The following ADGRB1 variants were observed in gnomAD, a reference collection of about 807,000 sequenced individuals.
ADGRB1 encodes the protein adhesion G protein-coupled receptor B1, also known as brain-specific angiogenesis inhibitor 1.
In ADGRB1, 36 loss-of-function variants were observed where a neutral mutation model predicts 175.7. The observed-to-expected ratio is 0.20, with a 90% CI of 0.16 to 0.27. The LOEUF (loss-of-function observed/expected upper bound fraction) is 0.27, where lower values mean the gene tolerates loss of function less well. Among genes scored for constraint, ADGRB1 ranks in the 10% least tolerant of loss-of-function variants. The probability of loss-of-function intolerance (pLI) is 1.00; values close to 1 mark genes in which losing one functional copy is unlikely to be tolerated. For synonymous variants in ADGRB1, 1,054 were observed against 979.4 expected (o/e 1.08, Z -1.42); for missense variants, 1,731 against 2,255.3 (o/e 0.77, Z 4.71).
chr8:142,541,751 C>T (rs1452953405), intron 27 of ADGRB1, among the ~76,000 whole-genome samples, 190 bp from the exon 28 acceptor site: 5 of 152,164 alleles, frequency 3.3e-5, no homozygotes, highest in South Asian at 2.1e-4. Context: ...CCCTAGGGGC[C>T]GTAGCGCCAG....
intron 27 of ADGRB1, 125 bp downstream of exon 27, chr8:142,539,538 C>A: frequency 4.2e-6 from 5 of 1,198,004 alleles, no homozygotes; most frequent in Non-Finnish European, 5.9e-6. Flanking sequence ...CCACCCACAC[C>A]CAGCCACACC....
intron 1 of ADGRB1, among the ~76,000 whole-genome samples, chr8:142,454,827 C>T (rs1278477162): frequency 6.6e-6 from 1 of 152,022 alleles, no homozygotes; most frequent in Non-Finnish European, 1.5e-5. Flanking sequence ...ATTGAGGAAG[C>T]AACAAAAAAT....
intron 1 of ADGRB1, among the ~76,000 whole-genome samples, chr8:142,452,220 C>G (rs1230102191): frequency 6.6e-6 from 1 of 152,214 alleles, no homozygotes; most frequent in Non-Finnish European, 1.5e-5. Context: ...GAAGGCTGGC[C>G]CGGGAGACCC....
intron 11 of ADGRB1, among the ~76,000 whole-genome samples, chr8:142,483,578 T>G (rs1219907468): frequency 6.9e-6 from 1 of 145,414 alleles, no homozygotes; most frequent in Non-Finnish European, 1.5e-5. Context: ...CTGGCCCTGG[T>G]CACACCCTGA....
chr8:142,539,733 T>G, intron 27 of ADGRB1: 12 of 492,862 alleles, frequency 2.4e-5, no homozygotes, highest in East Asian at 3.5e-5. Flanking sequence ...CTGACATCTC[T>G]TCCTCTGTCG....
chr8:142,532,620 C>T (rs1215982121), intron 24 of ADGRB1, among the ~76,000 whole-genome samples: 1 of 152,122 alleles, frequency 6.6e-6, no homozygotes, highest in Non-Finnish European at 1.5e-5. Context: ...TCTGCTCCTC[C>T]CCTGCTGGCC....
Position 142,463,251 on chromosome 8 carries a change from AAG to A in ADGRB1, c.-219-724_-219-723del, listed in dbSNP as rs550458735. Among the ~76,000 whole-genome samples, 234 of 152,242 alleles carry A rather than the reference AAG, an allele frequency of 1.5e-3. 1 individual carries two copies. The highest frequency in any genetic ancestry group is 2.7e-3 in the Non-Finnish European group (183 of 68,006). The stretch of plus-strand genomic sequence containing the variant: ...ACGAGGGCACACGTGGGAGGGCCGA[AAG>A]AGAGCTTCCTGGCAGGAGCACCAGC... On this transcript the variant is annotated intron_variant, in intron 1 of 30. Transcript: ENST00000517894.
intron 18 of ADGRB1, among the ~76,000 whole-genome samples, chr8:142,513,905 C>T (rs1047565965): frequency 1.3e-5 from 2 of 151,962 alleles, no homozygotes; most frequent in South Asian, 4.2e-4. Flanking sequence ...GCGGGGAGCC[C>T]GAGCTTACTC....
intron 17 of ADGRB1, among the ~76,000 whole-genome samples, chr8:142,499,593 C>CGCGGT (rs1842390932): frequency 6.6e-6 from 1 of 151,510 alleles, no homozygotes; most frequent in South Asian, 2.1e-4. Context: ...GGCGGAGTGC[C>CGCGGT]GCGGTGGGAG....
intron 17 of ADGRB1, among the ~76,000 whole-genome samples, chr8:142,509,834 C>G (rs946968695): frequency 4.6e-5 from 7 of 152,318 alleles, no homozygotes; most frequent in Admixed American, 6.5e-5. Flanking sequence ...TGGGGCTCAT[C>G]TTTTCAGGAG....
chr8:142,503,737 G>T (rs1055668797), intron 17 of ADGRB1, among the ~76,000 whole-genome samples: 1 of 152,198 alleles, frequency 6.6e-6, no homozygotes, highest in African/African-American at 2.4e-5. Context: ...CTGGCAGACA[G>T]CCTGGGGCCT....
At position 142,520,839 on chromosome 8, in the gene ADGRB1, C is replaced by T. The variant is rs886677495; in HGVS notation, c.2938C>T (p.Arg980Cys). The T allele has an allele frequency of 1.2e-6, 2 of 1,613,498 alleles. No individual in the cohort carries two copies. The highest frequency in any genetic ancestry group is 1.7e-6 in the Non-Finnish European group (2 of 1,179,630). ...VSVWRYIRSE[R>C]SVILINFCLS... is the part of the protein sequence containing the mutation. ...TCTCCACAGGTACATTCGCTCAGAG[C>T]GTTCTGTCATCCTCATCAACTTCTG... is the stretch of plus-strand genomic sequence containing the variant. The change falls in exon 20 of 31, where the codon CGT (arginine) becomes TGT (cysteine). Residue 980 changes from arginine (R) to cysteine (C), a missense_variant. Transcript: ENST00000517894.
At chr8:142,477,593 A>G (rs762521549) in intron 6 of ADGRB1, 44 bp downstream of exon 6, 1 of 1,583,688 alleles carries the variant, frequency 6.3e-7, no homozygotes, top group South Asian at 1.1e-5. Context: ...AAGGGAAGAA[A>G]GGGGAGGTCA....
At chr8:142,523,662 G>C (rs1033513676) in intron 22 of ADGRB1, among the ~76,000 whole-genome samples, 1 of 151,968 alleles carries the variant, frequency 6.6e-6, no homozygotes, top group African/African-American at 2.4e-5. Context: ...TTGTTTGACA[G>C]ATGACATGAG....
intron 1 of ADGRB1, among the ~76,000 whole-genome samples, chr8:142,450,676 G>C (rs565226741): frequency 3.3e-5 from 5 of 152,210 alleles, no homozygotes; most frequent in African/African-American, 9.6e-5. Context: ...GCAGGCAGGA[G>C]AAAACCCCAG....
intron 24 of ADGRB1, among the ~76,000 whole-genome samples, chr8:142,533,080 C>T (rs1473620025): frequency 6.6e-6 from 1 of 152,042 alleles, no homozygotes; most frequent in Non-Finnish European, 1.5e-5. Flanking sequence ...TGGGGGAGTC[C>T]TGGGGAGGAG....
intron 24 of ADGRB1, among the ~76,000 whole-genome samples, chr8:142,530,501 C>T (rs936005616): frequency 3.9e-5 from 6 of 152,132 alleles, no homozygotes; most frequent in Non-Finnish European, 8.8e-5. Context: ...TGCTTTGCTC[C>T]CTGAGCCAGG....
At chr8:142,463,535 G>C (rs1286956471) in intron 1 of ADGRB1, among the ~76,000 whole-genome samples, 2 of 152,262 alleles carry the variant, frequency 1.3e-5, no homozygotes, top group African/African-American at 4.8e-5. Context: ...TTAGAGAGGA[G>C]GGACCAAGGT....
At chr8:142,527,097 T>G (rs1476588644) in intron 24 of ADGRB1, among the ~76,000 whole-genome samples, 1 of 152,088 alleles carries the variant, frequency 6.6e-6, no homozygotes, top group Non-Finnish European at 1.5e-5. Context: ...GAGCTGATGT[T>G]CCTCCCTCCG....
Sources: gnomAD v4.1 joint callset for allele counts (sites outside exome capture counted in the v4.1 genomes callset) on GRCh38, gnomAD v4.1.1 for gene constraint, MANE v1.5 for transcripts, NCBI Gene and HGNC (gene_info 2026-07-23, HGNC 2026-07-21) for gene names.